The following MOV10 variants were observed in gnomAD, a reference collection of about 807,000 sequenced individuals.
MOV10 encodes the protein RNA helicase MOV-10.
Under a neutral mutation model 108.4 loss-of-function variants are expected in MOV10, and 39 were observed. That is an observed-to-expected ratio of 0.36 (90% CI 0.28 to 0.47). MOV10 has a LOEUF of 0.47. Among genes scored for constraint, MOV10 ranks in the 20% least tolerant of loss-of-function variants. MOV10 has a pLI of 1.00. For synonymous variants in MOV10, 490 were observed against 523.1 expected (o/e 0.94, Z 0.86); for missense variants, 952 against 1,297.6 (o/e 0.73, Z 4.09).
chr1:112,682,191 G>A (rs1398163437), intron 2 of MOV10, among the ~76,000 whole-genome samples: 1 of 152,130 alleles, frequency 6.6e-6, no homozygotes, highest in Non-Finnish European at 1.5e-5. Context: ...CATCGCGCCC[G>A]GCCATGGGTT....
intron 2 of MOV10, among the ~76,000 whole-genome samples, chr1:112,682,899 T>C (rs1050176703): frequency 6.6e-6 from 1 of 150,670 alleles, no homozygotes; most frequent in South Asian, 2.1e-4. Context: ...GGGGCTCTTC[T>C]GAATGAAGCT....
In MOV10 at chr1:112,674,747, G is replaced by A. The variant is rs1245613745; in HGVS notation, c.-66+18G>A. On this transcript the variant is annotated intron_variant, in intron 1 of 20. Coordinates refer to ENST00000369645, the MANE Select transcript of MOV10 (RefSeq NM_001321324.2). ...AAGCTCAGGTAAGAAAAGAACGGAG[G>A]AGGGAAGCCTGGTGGGGAGAAGGGA... 8 of 598,654 alleles carry A rather than the reference G, an allele frequency of 1.3e-5. No homozygotes were observed. 37.1% of individuals were successfully genotyped at this position (598,654 alleles called of 1,614,324 possible).
rs764172622 is a variant in MOV10 at position 112,689,434 on chromosome 1, A to G, written c.361A>G (p.Lys121Glu). The change falls in exon 4 of 21, where the codon AAA becomes GAA. Residue 121 changes from lysine (K) to glutamate (E), a missense_variant. Lys to Glu is a moderately conservative substitution (Grantham distance 56). Transcript: ENST00000369645. ...FYDRAEYLHG[K>E]HGVDVEVQGP... is the part of the protein sequence containing the mutation. ...CCCCAGGGCTGAGTATCTTCATGGG[A>G]AACATGGTGTGGATGTGGAAGTCCA... The G allele has an allele frequency of 7.1e-7, 1 of 1,398,810 alleles. No individual in the cohort carries two copies. Among genetic ancestry groups the G allele is most frequent in the South Asian group, 1.1e-5 (1 of 88,334 alleles). The allele number at this position is 1,398,810 out of a possible 1,614,324, so 86.6% of individuals were successfully genotyped here. A position where few individuals can be genotyped will look rare whatever the true frequency, so the allele number is the denominator to read the frequency against.
intron 7 of MOV10, among the ~76,000 whole-genome samples, chr1:112,693,372 T>TTTG (rs1244828461): frequency 3.0e-4 from 45 of 152,132 alleles, no homozygotes; most frequent in Non-Finnish European, 1.2e-4. Context: ...GAACAAGTTT[T>TTTG]TTGTTGTTGT....
Position 112,675,139 on chromosome 1 carries a change from G to T in MOV10, c.137+90G>T. 1 of 1,452,530 alleles carries T rather than the reference G, an allele frequency of 6.9e-7. No individual in the cohort carries two copies. Among genetic ancestry groups the T allele is most frequent in the Non-Finnish European group, 9.3e-7 (1 of 1,075,748 alleles). The allele number at this position is 1,452,530 out of a possible 1,614,324, so 90.0% of individuals were successfully genotyped here. A position where few individuals can be genotyped will look rare whatever the true frequency, so the allele number is the denominator to read the frequency against. Reference sequence around the variant, plus strand: ...AGGGCCACCTTTCCCGCCCCGGGGCGCAGAGGGACGCAGCTCCCCCAGCGG... The same window carrying T: ...AGGGCCACCTTTCCCGCCCCGGGGCTCAGAGGGACGCAGCTCCCCCAGCGG... On this transcript the variant is annotated intron_variant, in intron 2 of 20. Coordinates refer to ENST00000369645, the MANE Select transcript of MOV10 (RefSeq NM_001321324.2). The surrounding 1 kb of genome is among the most constrained non-coding windows in gnomAD (Gnocchi z 4.7).
chr1:112,700,691 G>A lies in MOV10; in HGVS notation c.*184G>A, dbSNP rs142632718. The A allele has an allele frequency of 4.3e-4, 660 of 1,525,504 alleles. 4 individuals are homozygous for A. In the Middle Eastern group the frequency reaches 7.1e-3, roughly 16 times the overall value. 94.5% of individuals were successfully genotyped at this position (1,525,504 alleles called of 1,614,324 possible). ...CACATCAAGCTGCTAACAATTGGGG[G>A]AAGGGGAAGGAAGAAAACTCTGAAA... On this transcript the variant is annotated 3_prime_UTR_variant, in exon 21 of 21. Coordinates refer to ENST00000369645, the MANE Select transcript of MOV10 (RefSeq NM_001321324.2).
rs376153881 is a variant in MOV10, at chr1:112,690,048, C to T, written c.786C>T (p.Thr262=). 178 of 1,614,048 alleles carry T rather than the reference C, an allele frequency of 1.1e-4. No homozygotes were observed. Among genetic ancestry groups the T allele is most frequent in the Middle Eastern group, 4.9e-4 (3 of 6,062 alleles). Residue 262 remains threonine, a synonymous_variant, in exon 5 of 21, where the codon ACC becomes ACT. Transcript: ENST00000369645. ...CTCCCTTCAAGCGGACCCGGATCAC[C>T]GGAAACCCTGTGGTGACCAATCGGA... ...PMTPFKRTRI[T]GNPVVTNRIE...
chr1:112,699,317 C>G (rs533052917), intron 17 of MOV10: 10 of 349,262 alleles, frequency 2.9e-5, no homozygotes, highest in Non-Finnish European at 4.1e-5. Context: ...AGGCCTCTCT[C>G]TTGGAAATTC....
intron 5 of MOV10, among the ~76,000 whole-genome samples, chr1:112,690,313 G>A (rs1349023175): frequency 6.6e-6 from 1 of 152,240 alleles, no homozygotes; most frequent in Non-Finnish European, 1.5e-5. Context: ...TTGTCCCTGT[G>A]TGATGCATTA....
chr1:112,696,105 A>T (rs1674057318), intron 11 of MOV10, 43 bp from the exon 12 acceptor site: 3 of 1,337,852 alleles, frequency 2.2e-6, no homozygotes, highest in Non-Finnish European at 3.2e-6. Flanking sequence ...GGTGGGAATG[A>T]GTGGAGCCAA....
chr1:112,685,700 A>T (rs1673026186), intron 2 of MOV10, among the ~76,000 whole-genome samples: 1 of 146,254 alleles, frequency 6.8e-6, no homozygotes, highest in Non-Finnish European at 1.5e-5. Context: ...AAATAAAATA[A>T]ATATAGAGGA....
At position 112,677,371 on chromosome 1, in the gene MOV10, G is replaced by A. The variant is rs1456538895; in HGVS notation, c.137+2322G>A. The stretch of plus-strand genomic sequence containing the variant: ...CCGCTCTGTACCCTCATCATGTTGG[G>A]GAAATGTATGTTCAGATTAAAGAAC... On this transcript the variant is annotated intron_variant, in intron 2 of 20. Coordinates refer to ENST00000369645, the MANE Select transcript of MOV10 (RefSeq NM_001321324.2). Among the ~76,000 whole-genome samples, 293 of 151,908 alleles carry A rather than the reference G, an allele frequency of 1.9e-3. 1 individual carries two copies. The highest frequency in any genetic ancestry group is 6.1e-3 in the African/African-American group (251 of 41,182).
At position 112,690,244 on chromosome 1, in the gene MOV10, A is replaced by G. The variant is rs1022071945; in HGVS notation, c.836+146A>G. 31 of 1,100,150 alleles carry G rather than the reference A, an allele frequency of 2.8e-5. No individual in the cohort carries two copies. The African/African-American group carries it at 4.8e-4, about 17-fold the overall frequency. The allele number at this position is 1,100,150 out of a possible 1,614,324, so 68.1% of individuals were successfully genotyped here. ...TGGGTCTCAGAGAATTTTTCTGTCAAGGAAGAAAGTTGCAGATGAACTGCA... is the reference window on the plus strand; with the variant it reads ...TGGGTCTCAGAGAATTTTTCTGTCAGGGAAGAAAGTTGCAGATGAACTGCA... On this transcript the variant is annotated intron_variant, in intron 5 of 20. Coordinates refer to ENST00000369645, the MANE Select transcript of MOV10 (RefSeq NM_001321324.2).
Position 112,696,808 on chromosome 1 carries a change from T to C in MOV10, c.2160T>C (p.Tyr720=), listed in dbSNP as rs775547056. The C allele has an allele frequency of 6.2e-7, 1 of 1,604,510 alleles. No individual in the cohort carries two copies. The highest frequency in any genetic ancestry group is 1.1e-5 in the South Asian group (1 of 89,420). The change falls in exon 14 of 21, where the codon TAT becomes TAC. Residue 720 remains tyrosine (Y), a synonymous_variant. Coordinates refer to ENST00000369645, the MANE Select transcript of MOV10 (RefSeq NM_001321324.2). The part of the protein sequence containing the change: ...NSLYKKGPDG[Y]DPQFITKLLR... ...TGTACAAGAAGGGCCCTGATGGCTA[T>C]GACCCCCAGTTCATAACCAAGCTGC...
chr1:112,682,499 A>C (rs1672739268), intron 2 of MOV10, among the ~76,000 whole-genome samples: 2 of 152,242 alleles, frequency 1.3e-5, no homozygotes, highest in African/African-American at 4.8e-5. Context: ...CAAAATTTGC[A>C]AACAGCAAAA....
At chr1:112,695,622 C>A in intron 11 of MOV10, 48 bp downstream of exon 11, 1 of 1,587,472 alleles carries the variant, frequency 6.3e-7, no homozygotes. Context: ...GCCGGGGAGG[C>A]TCTCAGGGCA....
rs531075720 is a variant in MOV10, at chr1:112,695,031, C to G, written c.1620+135C>G. On this transcript the variant is annotated intron_variant, in intron 10 of 20. Coordinates refer to ENST00000369645, the MANE Select transcript of MOV10 (RefSeq NM_001321324.2). ...AGCCATCAGAAAGAGAGGTAGGGGC[C>G]GGGTGCAGTGGCTCATGCCTGTAAT... The G allele has an allele frequency of 3.6e-6, 4 of 1,115,680 alleles. No individual in the cohort carries two copies. The African/African-American group carries it at 6.3e-5, about 18-fold the overall frequency. The allele number at this position is 1,115,680 out of a possible 1,614,324, so 69.1% of individuals were successfully genotyped here.
chr1:112,689,768 T>C (rs1000600476), intron 4 of MOV10, 72 bp from the exon 5 acceptor site: 3 of 1,587,908 alleles, frequency 1.9e-6, no homozygotes, highest in Admixed American at 1.7e-5. Context: ...TGGGGCTTCC[T>C]GGGGGAGTGT....
In MOV10 at chr1:112,689,015, G is replaced by C; in HGVS notation, c.218G>C (p.Arg73Pro). The change falls in exon 3 of 21, where the codon CGG becomes CCG. Residue 73 changes from arginine to proline, a missense_variant. Arg to Pro is a moderately radical substitution (Grantham distance 103). Coordinates refer to ENST00000369645, the MANE Select transcript of MOV10 (RefSeq NM_001321324.2). ...AATCTGGCCTACGTCACCAAGACTCGGGTCAGGTTCTTCAGACTCGACCGC... is the reference window on the plus strand; with the variant it reads ...AATCTGGCCTACGTCACCAAGACTCCGGTCAGGTTCTTCAGACTCGACCGC... ...IANLAYVTKTRVRFFRLDRWA... is the reference protein window; with the variant it reads ...IANLAYVTKTPVRFFRLDRWA... The C allele has an allele frequency of 6.2e-7, 1 of 1,612,600 alleles. No homozygotes were observed. The highest frequency in any genetic ancestry group is 8.5e-7 in the Non-Finnish European group (1 of 1,180,026).
Sources: gnomAD v4.1 joint callset for allele counts (sites outside exome capture counted in the v4.1 genomes callset) on GRCh38, gnomAD v4.1.1 for gene constraint, Gnocchi (gnomAD v3.1) non-coding constraint, MANE v1.5 for transcripts, NCBI Gene and HGNC (gene_info 2026-07-23, HGNC 2026-07-21) for gene names.